FGF14: variants seen among roughly 807,000 people sequenced by gnomAD.
The protein encoded by FGF14 is fibroblast growth factor homologous factor 4.
In FGF14, 5 loss-of-function variants were observed where a neutral mutation model predicts 25.5. The observed-to-expected ratio is 0.20, with a 90% CI of 0.10 to 0.41. The LOEUF (loss-of-function observed/expected upper bound fraction) is 0.41, where lower values mean the gene tolerates loss of function less well. FGF14 is among the 10% of genes least tolerant of loss of function. FGF14 has a pLI of 1.00. For synonymous variants in FGF14, 138 were observed against 118.3 expected (o/e 1.17, Z -1.08); for missense variants, 222 against 320.1 (o/e 0.69, Z 2.34).
intron 1 of FGF14, among the ~76,000 whole-genome samples, chr13:101,899,702 T>C (rs1412065215): frequency 6.6e-6 from 1 of 151,898 alleles, no homozygotes; most frequent in Non-Finnish European, 1.5e-5. Context: ...TATTCTGATA[T>C]AAGGATATAT....
At chr13:102,168,290 A>C (rs560556788) in intron 1 of FGF14, among the ~76,000 whole-genome samples, 2 of 152,130 alleles carry the variant, frequency 1.3e-5, no homozygotes, top group Non-Finnish European at 2.9e-5. Context: ...GCGCCTAATC[A>C]AATTGCACTC....
intron 3 of FGF14, among the ~76,000 whole-genome samples, chr13:101,853,911 C>A (rs2043987945): frequency 6.6e-6 from 1 of 152,046 alleles, no homozygotes; most frequent in Non-Finnish European, 1.5e-5. Context: ...ATTTCAAATT[C>A]ATTATGTGAC....
intron 3 of FGF14, among the ~76,000 whole-genome samples, chr13:101,836,302 T>A (rs1325701889): frequency 1.3e-5 from 2 of 152,050 alleles, no homozygotes; most frequent in Non-Finnish European, 2.9e-5. Flanking sequence ...TTTTCCTCCC[T>A]CCAAAATAGC....
intron 1 of FGF14, among the ~76,000 whole-genome samples, chr13:101,978,506 T>C (rs1179669972): frequency 6.6e-6 from 1 of 152,138 alleles, no homozygotes; most frequent in Admixed American, 6.6e-5. Context: ...CCAAAGCAAA[T>C]GATATTTTTC....
chr13:102,090,808 C>T (rs942076429), intron 1 of FGF14, among the ~76,000 whole-genome samples: 1 of 152,210 alleles, frequency 6.6e-6, no homozygotes, highest in African/African-American at 2.4e-5. Context: ...CAGAATCTAA[C>T]AGCGATGAGA....
chr13:102,264,916 G>A (rs9585881), intron 1 of FGF14, among the ~76,000 whole-genome samples: 17,462 of 152,050 alleles, frequency 0.11, 1,410 homozygotes, highest in African/African-American at 0.22. Context: ...GGCACAGCAC[G>A]GGATGGAGAA....
At chr13:102,343,254 A>T (rs1320172018) in intron 1 of FGF14, among the ~76,000 whole-genome samples, 2 of 152,182 alleles carry the variant, frequency 1.3e-5, no homozygotes, top group Non-Finnish European at 1.5e-5. Flanking sequence ...AAAAATTGTT[A>T]AGAGTGGCTT....
At chr13:102,350,377 A>T (rs62742463) in intron 1 of FGF14, among the ~76,000 whole-genome samples, 36 of 80,554 alleles carry the variant, frequency 4.5e-4, no homozygotes, top group African/African-American at 1.7e-3. Context: ...CTCTTTAATT[A>T]AAAAAAAAAA....
chr13:101,745,817 T>G (rs192715177), intron 3 of FGF14, among the ~76,000 whole-genome samples: 20 of 152,002 alleles, frequency 1.3e-4, no homozygotes, highest in African/African-American at 4.8e-4. Context: ...GGTTTCATGG[T>G]GAGAACCTAC....
rs374118854 is a variant in FGF14 at position 101,834,980 on chromosome 13, A to C, written c.408+33745T>G. ...CATAACATATTTGTTGTTGGTTCAC[A>C]GGGAGAAACAGAGGTTAACTATGAT... On this transcript the variant is annotated intron_variant, in intron 3 of 4. Coordinates refer to ENST00000376143, the MANE Select transcript of FGF14 (RefSeq NM_004115.4). Among the ~76,000 whole-genome samples the C allele has an allele frequency of 3.9e-5, 6 of 152,224 alleles. No homozygotes were observed. The South Asian group carries it at 6.2e-4, about 16-fold the overall frequency.
At chr13:102,385,191 AT>A (rs1172238756) in intron 1 of FGF14, among the ~76,000 whole-genome samples, 1 of 152,116 alleles carries the variant, frequency 6.6e-6, no homozygotes, top group Non-Finnish European at 1.5e-5. Flanking sequence ...CTGACTACAT[AT>A]TTTTTCTTTT....
intron 3 of FGF14, among the ~76,000 whole-genome samples, chr13:101,867,945 C>T (rs1276845917): frequency 2.0e-5 from 3 of 151,696 alleles, no homozygotes; most frequent in Admixed American, 2.0e-4. Context: ...CGCGCACACA[C>T]ACAATATGTG....
intron 1 of FGF14, among the ~76,000 whole-genome samples, chr13:102,333,282 G>A (rs1164393891): frequency 6.6e-6 from 1 of 152,126 alleles, no homozygotes; most frequent in African/African-American, 2.4e-5. Context: ...CACATCAAAT[G>A]TCCATGATTT....
chr13:102,272,099 A>C (rs1043646367), intron 1 of FGF14, among the ~76,000 whole-genome samples: 2 of 151,902 alleles, frequency 1.3e-5, no homozygotes, highest in Non-Finnish European at 2.9e-5. Flanking sequence ...GATTCCCTCC[A>C]CTTTGCCAAC....
chr13:102,371,487 C>T (rs1390814940), intron 1 of FGF14, among the ~76,000 whole-genome samples: 1 of 152,174 alleles, frequency 6.6e-6, no homozygotes, highest in Non-Finnish European at 1.5e-5. Flanking sequence ...TGTCCCTTCT[C>T]CAGTGAAACC....
chr13:101,900,863 AT>A (rs1191059192), intron 1 of FGF14, among the ~76,000 whole-genome samples: 1 of 152,224 alleles, frequency 6.6e-6, no homozygotes, highest in African/African-American at 2.4e-5. Flanking sequence ...GTGAAAGAGC[AT>A]TTTGAATGTA....
intron 1 of FGF14, among the ~76,000 whole-genome samples, chr13:102,090,313 T>C (rs1162178605): frequency 6.6e-6 from 1 of 152,224 alleles, no homozygotes; most frequent in Non-Finnish European, 1.5e-5. Flanking sequence ...CTAAAATTAA[T>C]GACTTTGTCT....
At chr13:102,398,571 T>C (rs1457381866) in intron 1 of FGF14, among the ~76,000 whole-genome samples, 1 of 152,170 alleles carries the variant, frequency 6.6e-6, no homozygotes, top group Non-Finnish European at 1.5e-5. Context: ...TTGTTCTCTT[T>C]TTAAATTTAA....
At chr13:102,216,590 T>C (rs1005913716) in intron 1 of FGF14, among the ~76,000 whole-genome samples, 7 of 152,206 alleles carry the variant, frequency 4.6e-5, no homozygotes, top group African/African-American at 1.7e-4. Context: ...TTTTGATACA[T>C]GTGTAAATTG....
Sources: gnomAD v4.1 joint callset for allele counts (sites outside exome capture counted in the v4.1 genomes callset) on GRCh38, gnomAD v4.1.1 for gene constraint, MANE v1.5 for transcripts, NCBI Gene and HGNC (gene_info 2026-07-23, HGNC 2026-07-21) for gene names.